The following PIGU variants were observed in gnomAD, a reference collection of about 807,000 sequenced individuals.
The protein encoded by PIGU is GPI-anchor transamidase component PIGU.
A neutral mutation model predicts 49.9 loss-of-function variants in PIGU; 24 were observed. That is an observed-to-expected ratio of 0.48 (90% CI 0.35 to 0.68). The LOEUF (loss-of-function observed/expected upper bound fraction) is 0.68. PIGU is among the 30% of genes least tolerant of loss of function. The pLI is 0.01. For synonymous variants in PIGU, 220 were observed against 205.7 expected (o/e 1.07, Z -0.59); for missense variants, 490 against 532.6 (o/e 0.92, Z 0.79).
intron 6 of PIGU, among the ~76,000 whole-genome samples, chr20:34,620,629 G>T (rs556763402): frequency 6.6e-6 from 1 of 151,998 alleles, no homozygotes; most frequent in Non-Finnish European, 1.5e-5. Flanking sequence ...GACTAACACG[G>T]TGAAACCCTG....
intron 7 of PIGU, among the ~76,000 whole-genome samples, chr20:34,609,007 T>C (rs1246165650): frequency 1.3e-5 from 2 of 151,942 alleles, no homozygotes; most frequent in Non-Finnish European, 2.9e-5. Context: ...TTTAGGCTGG[T>C]TGTGGTGGCT....
chr20:34,630,696 G>C (rs1036838405), intron 6 of PIGU, among the ~76,000 whole-genome samples: 1 of 151,930 alleles, frequency 6.6e-6, no homozygotes, highest in Non-Finnish European at 1.5e-5. Flanking sequence ...ACCCAAGCTG[G>C]AGTACAGTGG....
chr20:34,645,202 A>AAG (rs969846079), intron 3 of PIGU, 73 bp downstream of exon 3: 70 of 1,334,748 alleles, frequency 5.2e-5, no homozygotes, highest in South Asian at 7.9e-5. Flanking sequence ...AAAAAAAAAA[A>AAG]AGAGAGAGAG....
At chr20:34,627,115 G>T (rs1411452806) in intron 6 of PIGU, among the ~76,000 whole-genome samples, 2 of 152,082 alleles carry the variant, frequency 1.3e-5, no homozygotes, top group Non-Finnish European at 2.9e-5. Flanking sequence ...GTTTGTGAGG[G>T]TCTCTATTTA....
chr20:34,612,929 G>A (rs541649783), intron 7 of PIGU, among the ~76,000 whole-genome samples: 2 of 152,084 alleles, frequency 1.3e-5, no homozygotes, highest in South Asian at 2.1e-4. Flanking sequence ...GGCTCAGGCA[G>A]TTCATAGCAG....
chr20:34,666,385 T>C (rs1240626162), intron 1 of PIGU, among the ~76,000 whole-genome samples: 3 of 151,802 alleles, frequency 2.0e-5, no homozygotes, highest in African/African-American at 4.8e-5. Flanking sequence ...TCTCACTTCA[T>C]GGGACTATTA....
chr20:34,606,097 T>C (rs1027982836), intron 7 of PIGU, among the ~76,000 whole-genome samples: 2 of 151,618 alleles, frequency 1.3e-5, no homozygotes, highest in Admixed American at 1.3e-4. Context: ...TTACTAAAAA[T>C]ACAAAAAATT....
chr20:34,627,288 T>A (rs1985526678), intron 6 of PIGU, among the ~76,000 whole-genome samples: 1 of 152,170 alleles, frequency 6.6e-6, no homozygotes, highest in African/African-American at 2.4e-5. Flanking sequence ...ATGCTTAAAC[T>A]ACTTGCAAAA....
At chr20:34,673,726 T>A (rs558984807) in intron 1 of PIGU, among the ~76,000 whole-genome samples, 2 of 152,334 alleles carry the variant, frequency 1.3e-5, no homozygotes, top group South Asian at 4.1e-4. Flanking sequence ...GATACATAAT[T>A]TCCTATTTTA....
chr20:34,640,437 G>T (rs910434398), intron 4 of PIGU, among the ~76,000 whole-genome samples: 1 of 152,052 alleles, frequency 6.6e-6, no homozygotes, highest in African/African-American at 2.4e-5. Context: ...CATCCAGCTA[G>T]AGACAGGAAA....
At chr20:34,582,455 G>A (rs756661507) in intron 9 of PIGU, among the ~76,000 whole-genome samples, 42 of 152,162 alleles carry the variant, frequency 2.8e-4, no homozygotes, top group Non-Finnish European at 5.3e-4. Flanking sequence ...TGAGGCAGGA[G>A]GATGGCTTGA....
intron 2 of PIGU, among the ~76,000 whole-genome samples, chr20:34,645,688 G>A (rs1986320980): frequency 6.6e-6 from 1 of 152,164 alleles, no homozygotes; most frequent in Non-Finnish European, 1.5e-5. Flanking sequence ...CAGGTCAGGA[G>A]ATGGAGACCA....
intron 2 of PIGU, among the ~76,000 whole-genome samples, chr20:34,656,484 G>C (rs71337950): frequency 1.3e-5 from 2 of 148,700 alleles, no homozygotes; most frequent in African/African-American, 5.0e-5. Context: ...GGGTTTCACC[G>C]TGTTAGCCAG....
chr20:34,620,760 G>A (rs1474522096), intron 6 of PIGU, among the ~76,000 whole-genome samples: 2 of 143,382 alleles, frequency 1.4e-5, no homozygotes, highest in Admixed American at 7.3e-5. Flanking sequence ...GCAGTGAGCC[G>A]AGATCGCGCC....
chr20:34,605,407 G>A (rs1209926855), intron 7 of PIGU, among the ~76,000 whole-genome samples: 1 of 152,194 alleles, frequency 6.6e-6, no homozygotes, highest in East Asian at 1.9e-4. Context: ...TGTCAAAGGA[G>A]GAAGTACAAA....
intron 7 of PIGU, among the ~76,000 whole-genome samples, chr20:34,592,112 C>G (rs1050005197): frequency 3.0e-4 from 46 of 151,038 alleles, no homozygotes; most frequent in Non-Finnish European, 1.0e-4. Context: ...TGGCGTGAAC[C>G]TGGGAGGTGG....
At chr20:34,633,447 A>G (rs1985855793) in intron 6 of PIGU, among the ~76,000 whole-genome samples, 1 of 152,140 alleles carries the variant, frequency 6.6e-6, no homozygotes, top group East Asian at 1.9e-4. Flanking sequence ...TGAGTGACAG[A>G]GTGAGACCCC....
At chr20:34,572,935 G>T (rs1159075522) in intron 11 of PIGU, among the ~76,000 whole-genome samples, 1 of 152,162 alleles carries the variant, frequency 6.6e-6, no homozygotes, top group African/African-American at 2.4e-5. Flanking sequence ...ATACCAAACT[G>T]ATCCCAAAGG....
chr20:34,581,066 C>T (rs1983441492), intron 10 of PIGU, among the ~76,000 whole-genome samples: 1 of 152,308 alleles, frequency 6.6e-6, no homozygotes, highest in Admixed American at 6.5e-5. Flanking sequence ...CTCAGGCACA[C>T]AAGTGGCTAG....
Sources: gnomAD v4.1 joint callset for allele counts (sites outside exome capture counted in the v4.1 genomes callset) on GRCh38, gnomAD v4.1.1 for gene constraint, MANE v1.5 for transcripts, NCBI Gene and HGNC (gene_info 2026-07-23, HGNC 2026-07-21) for gene names.